Variants in TAAR5 observed in about 807,000 individuals in gnomAD.
TAAR5 encodes trace amine-associated receptor 5.
A neutral mutation model predicts 21.1 loss-of-function variants in TAAR5; 27 were observed. The ratio of observed to expected loss-of-function variants is 1.28; its 90% confidence interval spans 0.94 to 1.76. The LOEUF is 1.76. TAAR5 is among the 40% of genes most tolerant of loss of function. The pLI, the probability that TAAR5 is intolerant of heterozygous loss-of-function variation, is 0.00. For missense variants in TAAR5, 495 were observed against 405.6 expected (o/e 1.22, Z -1.89); for synonymous variants, 203 against 167.5 (o/e 1.21, Z -1.64).
chr6:132,611,207 TA>T, the TAAR5 span, among the ~76,000 whole-genome samples: 398 of 107,968 alleles, frequency 3.7e-3, 1 homozygote, highest in Non-Finnish European at 5.0e-3. Context: ...TTTAGGGAGC[TA>T]AAAAAAAGAA....
At chr6:132,602,443 G>A in the TAAR5 span, among the ~76,000 whole-genome samples, 22 of 152,228 alleles carry the variant, frequency 1.4e-4, no homozygotes, top group Middle Eastern at 3.4e-3. Flanking sequence ...CGTTGCATGC[G>A]CAGCTCACAA....
At chr6:132,593,766 A>C (rs1003692231), upstream of TAAR5, among the ~76,000 whole-genome samples, 92 of 152,300 alleles carry the variant, frequency 6.0e-4, no homozygotes, top group African/African-American at 2.2e-3. Flanking sequence ...TATTTTCCCA[A>C]ACTCTTTATT....
At chr6:132,594,078 G>A (rs761477183), upstream of TAAR5, among the ~76,000 whole-genome samples, 1 of 152,198 alleles carries the variant, frequency 6.6e-6, no homozygotes, top group Non-Finnish European at 1.5e-5. Flanking sequence ...ATGTTTTCAA[G>A]TTAAAGTAAG....
the TAAR5 span, among the ~76,000 whole-genome samples, chr6:132,611,800 G>C: frequency 6.6e-6 from 1 of 152,132 alleles, no homozygotes; most frequent in Admixed American, 6.5e-5. Flanking sequence ...ATGTCACACA[G>C]AAACATCAAG....
the TAAR5 span, among the ~76,000 whole-genome samples, chr6:132,606,732 GC>G: frequency 3.7e-4 from 57 of 152,320 alleles, no homozygotes; most frequent in African/African-American, 1.4e-3. Context: ...GAATTATAAT[GC>G]CCTTCGAGAC....
chr6:132,605,536 C>A, the TAAR5 span, among the ~76,000 whole-genome samples: 4 of 152,160 alleles, frequency 2.6e-5, 1 homozygote, highest in Admixed American at 6.5e-5. Flanking sequence ...CTGAAGCCAG[C>A]TGTCCCTGTA....
At chr6:132,590,568 C>T (rs906389732), upstream of TAAR5, among the ~76,000 whole-genome samples, 2 of 152,174 alleles carry the variant, frequency 1.3e-5, no homozygotes, top group African/African-American at 4.8e-5. Context: ...TGTCAGAGTA[C>T]TCTTCTGTTG....
upstream of TAAR5, among the ~76,000 whole-genome samples, chr6:132,593,893 T>C (rs917291268): frequency 2.0e-5 from 3 of 152,202 alleles, no homozygotes; most frequent in African/African-American, 2.4e-5. Context: ...ACTACAACTG[T>C]CTGTGTCTTT....
the TAAR5 span, chr6:132,608,377 T>C: frequency 2.2e-6 from 1 of 455,784 alleles, no homozygotes; most frequent in Admixed American, 2.4e-5. Context: ...GCAAGTAGAG[T>C]TGAAGTACCG....
the TAAR5 span, among the ~76,000 whole-genome samples, chr6:132,606,409 T>C: frequency 6.6e-6 from 1 of 152,280 alleles, no homozygotes; most frequent in African/African-American, 2.4e-5. Context: ...AAGTCAATTT[T>C]AATGTCCTCA....
chr6:132,596,156 C>T, the TAAR5 span, among the ~76,000 whole-genome samples: 3 of 152,172 alleles, frequency 2.0e-5, no homozygotes, highest in African/African-American at 7.2e-5. Context: ...TTTCATTTAG[C>T]AGCTGTATTC....
At chr6:132,613,428 G>A in the TAAR5 span, among the ~76,000 whole-genome samples, 7 of 152,108 alleles carry the variant, frequency 4.6e-5, no homozygotes, top group Admixed American at 4.6e-4. Context: ...TTTTATGGAG[G>A]CCAACAAAAT....
At chr6:132,607,638 A>T in the TAAR5 span, among the ~76,000 whole-genome samples, 1 of 152,180 alleles carries the variant, frequency 6.6e-6, no homozygotes, top group African/African-American at 2.4e-5. Context: ...TAATAATCGC[A>T]AAGGCAAAAG....
chr6:132,600,764 A>AGAAG, the TAAR5 span, among the ~76,000 whole-genome samples: 4 of 145,858 alleles, frequency 2.7e-5, no homozygotes, highest in South Asian at 4.7e-4. Flanking sequence ...GAAAAAGGAA[A>AGAAG]GAAGGAAGGA....
At chr6:132,610,213 C>T in the TAAR5 span, among the ~76,000 whole-genome samples, 8 of 152,096 alleles carry the variant, frequency 5.3e-5, no homozygotes, top group Non-Finnish European at 1.2e-4. Flanking sequence ...CTATTTGCTT[C>T]GGAATACACA....
chr6:132,590,299 A>C (rs764622155), upstream of TAAR5, among the ~76,000 whole-genome samples: 72 of 152,244 alleles, frequency 4.7e-4, 2 homozygotes, highest in Non-Finnish European at 1.2e-4. Flanking sequence ...AATATTAATA[A>C]TTAAAAGAGT....
the TAAR5 span, among the ~76,000 whole-genome samples, chr6:132,597,250 T>G: frequency 2.0e-5 from 3 of 152,134 alleles, no homozygotes; most frequent in Non-Finnish European, 4.4e-5. Context: ...AATAAGGAAA[T>G]GGTTAAACAT....
In TAAR5 at chr6:132,589,199, G is replaced by T; in HGVS notation, c.488C>A (p.Ala163Glu). 1 of 1,605,654 alleles carries T rather than the reference G, an allele frequency of 6.2e-7. No homozygotes were observed. The highest frequency in any genetic ancestry group is 8.5e-7 in the Non-Finnish European group (1 of 1,175,762). Residue 163 changes from alanine (A) to glutamate (E), a missense_variant, in exon 1 of 1, where the codon GCA becomes GAA. Ala to Glu is a moderately radical substitution (Grantham distance 107). Transcript: ENST00000258034. The stretch of plus-strand genomic sequence containing the variant: ...GTAGAGGAATAACGAAGTGTATGCT[G>T]CGGGCACCCCCCATCCTGCCAGGAT... ...RYILAGWGVP[A>E]AYTSLFLYTD...
chr6:132,602,396 G>A, the TAAR5 span, among the ~76,000 whole-genome samples: 1 of 152,106 alleles, frequency 6.6e-6, no homozygotes, highest in South Asian at 2.1e-4. Context: ...CAGATCCTCA[G>A]GCATTAGGTT....
Sources: gnomAD v4.1 joint callset for allele counts (sites outside exome capture counted in the v4.1 genomes callset) on GRCh38, gnomAD v4.1.1 for gene constraint, MANE v1.5 for transcripts, NCBI Gene and HGNC (gene_info 2026-07-23, HGNC 2026-07-21) for gene names.